PCDHA5: variants seen among roughly 807,000 people sequenced by gnomAD.
The protein encoded by PCDHA5 is protocadherin alpha-5.
PCDHA5 carries 43 observed loss-of-function variants against 61.6 expected under a neutral mutation model. The ratio of observed to expected loss-of-function variants is 0.70; its 90% confidence interval spans 0.55 to 0.90. The LOEUF (loss-of-function observed/expected upper bound fraction) is 0.90. Among genes scored for constraint, PCDHA5 ranks in the 40% least tolerant of loss-of-function variants. The pLI is 0.00. For synonymous variants in PCDHA5, 627 were observed against 543.9 expected (o/e 1.15, Z -2.13); for missense variants, 1,298 against 1,222.7 (o/e 1.06, Z -0.92).
chr5:140,833,151 G>A (rs1260869856), intron 1 of PCDHA5, among the ~76,000 whole-genome samples: 3 of 152,094 alleles, frequency 2.0e-5, no homozygotes, highest in Non-Finnish European at 4.4e-5. Flanking sequence ...GAAGCAATAC[G>A]AATAAAAAGT....
intron 1 of PCDHA5, chr5:140,851,006 T>G (rs2041921883): frequency 7.0e-7 from 1 of 1,437,372 alleles, no homozygotes; most frequent in Non-Finnish European, 9.2e-7. Flanking sequence ...TCCAGCAGAT[T>G]TTTTTTCTGA....
chr5:140,877,091 C>A, intron 1 of PCDHA5: 1 of 1,613,252 alleles, frequency 6.2e-7, no homozygotes. Flanking sequence ...GCGCGCGACG[C>A]CGGCGTGCCG....
chr5:140,917,853 G>A (rs1187603480), intron 1 of PCDHA5, among the ~76,000 whole-genome samples: 1 of 151,906 alleles, frequency 6.6e-6, no homozygotes, highest in African/African-American at 2.4e-5. Flanking sequence ...TTTTTGCTTA[G>A]GATTGCTTTG....
chr5:140,928,478 A>G (rs1554205922), intron 1 of PCDHA5: 1 of 1,614,132 alleles, frequency 6.2e-7, no homozygotes, highest in East Asian at 2.2e-5. Context: ...GAAGGCCGGG[A>G]TGGTGGCATT....
intron 1 of PCDHA5, among the ~76,000 whole-genome samples, chr5:140,954,317 G>A (rs571385484): frequency 2.6e-5 from 4 of 152,292 alleles, no homozygotes; most frequent in East Asian, 3.9e-4. Context: ...GGATTGCTGC[G>A]TCAAATGGTA....
Position 140,962,028 on chromosome 5 carries a change from C to A in PCDHA5, c.2353-16921C>A, listed in dbSNP as rs1046578713. Among the ~76,000 whole-genome samples the A allele has an allele frequency of 5.9e-5, 9 of 152,036 alleles. No individual in the cohort carries two copies. In the South Asian group the frequency reaches 1.7e-3, roughly 28 times the overall value. The stretch of plus-strand genomic sequence containing the variant: ...CTTCCCGAGTAGCTGGGACTACAGG[C>A]ACCCACCACCATGCCTGGCTAATTT... On this transcript the variant is annotated intron_variant, in intron 1 of 3. Transcript: ENST00000529859.
intron 1 of PCDHA5, chr5:140,857,355 C>T: frequency 6.3e-7 from 1 of 1,598,292 alleles, no homozygotes. Flanking sequence ...CCGCTGTGGG[C>T]CACGGCCAGC....
In PCDHA5 at chr5:140,924,908, AAAT is replaced by A. The variant is rs1554202345; in HGVS notation, c.2353-54038_2353-54036del. ...AGAACCTGTCTCAAAAAAAAAAATA[AAAT>A]AAAATAAAATAAAATAAAATAAAAT... On this transcript the variant is annotated intron_variant, in intron 1 of 3. Coordinates refer to ENST00000529859, the MANE Select transcript of PCDHA5 (RefSeq NM_018908.3). Among the ~76,000 whole-genome samples the A allele has an allele frequency of 9.0e-4, 53 of 58,926 alleles. 1 individual carries two copies. The highest frequency in any genetic ancestry group is 2.8e-3 in the African/African-American group (51 of 18,360). The allele number at this position is 58,926 out of a possible 152,430, so 38.7% of individuals were successfully genotyped here. A position where few individuals can be genotyped will look rare whatever the true frequency, so the allele number is the denominator to read the frequency against.
chr5:140,822,764 C>A lies in PCDHA5; in HGVS notation c.989C>A (p.Ser330Ter), dbSNP rs1767428051. ...DAMDKSTFPL[S>*]GHCKVVVKLL... ...ATGGATAAAAGTACATTCCCATTAT[C>A]AGGACACTGTAAAGTAGTAGTGAAA... Residue 330 changes from serine (S) to a stop codon, truncating the protein, a stop_gained, in exon 1 of 4, where the codon TCA becomes TAA. Coordinates refer to ENST00000529859, the MANE Select transcript of PCDHA5 (RefSeq NM_018908.3). LOFTEE classifies it high-confidence loss of function. 2.5e-6 allele frequency: 4 copies of A among 1,613,898 alleles called. No individual in the cohort carries two copies. The highest frequency in any genetic ancestry group is 1.7e-6 in the Non-Finnish European group (2 of 1,179,806).
chr5:140,994,263 C>G (rs1329526022), intron 3 of PCDHA5, among the ~76,000 whole-genome samples: 1 of 152,160 alleles, frequency 6.6e-6, no homozygotes, highest in African/African-American at 2.4e-5. Flanking sequence ...ATAAGGTAAG[C>G]TAGGCTGCCT....
At chr5:140,836,233 G>A in intron 1 of PCDHA5, 5 of 1,613,764 alleles carry the variant, frequency 3.1e-6, no homozygotes, top group Non-Finnish European at 4.2e-6. Flanking sequence ...GTGGCGGCCG[G>A]TGCGAGCATC....
chr5:140,928,792 G>T (rs1190569981), intron 1 of PCDHA5: 1 of 1,614,048 alleles, frequency 6.2e-7, no homozygotes, highest in African/African-American at 1.3e-5. Context: ...TAAGCAGAGG[G>T]TGGTGGTAGT....
At chr5:141,006,169 A>G (rs553035949) in intron 3 of PCDHA5, among the ~76,000 whole-genome samples, 4 of 149,840 alleles carry the variant, frequency 2.7e-5, no homozygotes, top group Non-Finnish European at 5.9e-5. Flanking sequence ...TCTGATTTAT[A>G]TTTTTAAAAG....
chr5:140,869,580 T>C (rs1325973038), intron 1 of PCDHA5: 4 of 1,614,046 alleles, frequency 2.5e-6, no homozygotes, highest in Non-Finnish European at 3.4e-6. Flanking sequence ...GAGCTTCTGA[T>C]GCTGACATTG....
chr5:140,890,386 A>T (rs905205351), intron 1 of PCDHA5, among the ~76,000 whole-genome samples: 1 of 152,202 alleles, frequency 6.6e-6, no homozygotes, highest in African/African-American at 2.4e-5. Context: ...TCTTTCTTAG[A>T]TAATCTATAA....
At chr5:140,924,670 C>A (rs2081947196) in intron 1 of PCDHA5, among the ~76,000 whole-genome samples, 1 of 151,926 alleles carries the variant, frequency 6.6e-6, no homozygotes, top group African/African-American at 2.4e-5. Flanking sequence ...CGAGGCAGGC[C>A]AATCACTTGA....
chr5:140,962,237 C>G (rs982591816), intron 1 of PCDHA5, among the ~76,000 whole-genome samples: 5 of 152,108 alleles, frequency 3.3e-5, no homozygotes, highest in Non-Finnish European at 5.9e-5. Context: ...TTCACTTAAC[C>G]ATTTTCTTCA....
In PCDHA5 at chr5:141,011,716, A is replaced by G. The variant is rs975588316; in HGVS notation, c.*1779A>G. 6.5e-6 allele frequency: 1 copy of G among 153,764 alleles called. No homozygotes were observed. Among genetic ancestry groups the G allele is most frequent in the African/African-American group, 2.4e-5 (1 of 41,450 alleles). 9.5% of individuals were successfully genotyped at this position (153,764 alleles called of 1,614,324 possible). On this transcript the variant is annotated 3_prime_UTR_variant, in exon 4 of 4. Transcript: ENST00000529859. Reference sequence around the variant, plus strand: ...TTGGAATGAATACTGACAATATTCCATGAGGGTGTGCAAGCACAAATTTTA... The same window carrying G: ...TTGGAATGAATACTGACAATATTCCGTGAGGGTGTGCAAGCACAAATTTTA...
In PCDHA5 at chr5:140,836,084, G is replaced by A. The variant is rs141420166; in HGVS notation, c.2352+11957G>A. On this transcript the variant is annotated intron_variant, in intron 1 of 3. Transcript: ENST00000529859. Reference sequence around the variant, plus strand: ...ACGACAACGCGCCGGCACTGCTGGCGCCTCGGGTGGGTGGCACTGGTGGCG... The same window carrying A: ...ACGACAACGCGCCGGCACTGCTGGCACCTCGGGTGGGTGGCACTGGTGGCG... The A allele has an allele frequency of 2.8e-5, 45 of 1,613,684 alleles. 1 individual carries two copies. The highest frequency in any genetic ancestry group is 3.6e-5 in the Non-Finnish European group (43 of 1,179,784).
Sources: gnomAD v4.1 joint callset for allele counts (sites outside exome capture counted in the v4.1 genomes callset) on GRCh38, gnomAD v4.1.1 for gene constraint, MANE v1.5 for transcripts, NCBI Gene and HGNC (gene_info 2026-07-23, HGNC 2026-07-21) for gene names.